The following PDZRN4 variants were observed in gnomAD, a reference collection of about 807,000 sequenced individuals.
The protein encoded by PDZRN4 is PDZ domain-containing RING finger protein 4.
In PDZRN4, 70 loss-of-function variants were observed where a neutral mutation model predicts 99.0. That is an observed-to-expected ratio of 0.71 (90% CI 0.58 to 0.86). The LOEUF is 0.86. Ranked by LOEUF, PDZRN4 falls within the 40% of genes least tolerant of loss-of-function variation. The pLI, the probability that PDZRN4 is intolerant of heterozygous loss-of-function variation, is 0.00. For synonymous variants in PDZRN4, 551 were observed against 501.6 expected, an observed-to-expected ratio of 1.10 and a Z score of -1.32; for missense variants, 1,474 against 1,331.2, an observed-to-expected ratio of 1.11 and a Z score of -1.67.
chr12:41,250,696 G>T (rs542996735), intron 3 of PDZRN4, among the ~76,000 whole-genome samples: 6 of 152,204 alleles, frequency 3.9e-5, no homozygotes, highest in Non-Finnish European at 8.8e-5. Flanking sequence ...ATGATTTCCT[G>T]TTGAAACTTT....
Position 41,425,494 on chromosome 12 carries a change from G to A in PDZRN4, c.844-80962G>A, listed in dbSNP as rs190075233. Among the ~76,000 whole-genome samples, 3 of 152,136 alleles carry A rather than the reference G, an allele frequency of 2.0e-5. No homozygotes were observed. In the East Asian group the frequency reaches 5.8e-4, roughly 29 times the overall value. The stretch of plus-strand genomic sequence containing the variant: ...GTAATGTTCTGTTACATGCCAGATG[G>A]TGTTCCTGTACAGAATTTCCACACC... On this transcript the variant is annotated intron_variant, in intron 3 of 9. Transcript: ENST00000402685.
At chr12:41,536,497 G>A (rs1162022336) in intron 5 of PDZRN4, among the ~76,000 whole-genome samples, 1 of 152,052 alleles carries the variant, frequency 6.6e-6, no homozygotes, top group Non-Finnish European at 1.5e-5. Flanking sequence ...TACTATAATG[G>A]TAGATACATG....
At chr12:41,477,238 T>G (rs1001513052) in intron 3 of PDZRN4, among the ~76,000 whole-genome samples, 1 of 152,212 alleles carries the variant, frequency 6.6e-6, no homozygotes, top group Non-Finnish European at 1.5e-5. Context: ...ATAAGGACAC[T>G]TCAGACAAAA....
In PDZRN4 at chr12:41,536,465, G is replaced by T. The variant is rs79274330; in HGVS notation, c.1204-16191G>T. Among the ~76,000 whole-genome samples, 782 of 152,236 alleles carry T rather than the reference G, an allele frequency of 5.1e-3. 3 individuals carry two copies. The highest frequency in any genetic ancestry group is 7.6e-3 in the Non-Finnish European group (514 of 68,000). On this transcript the variant is annotated intron_variant, in intron 5 of 9. Transcript: ENST00000402685. ...AAGTGTAGCACAGAGGGTTTTCAGG[G>T]CAGTGAAACTGTTCCATATGATACT...
chr12:41,457,007 T>C (rs1952821653), intron 3 of PDZRN4, among the ~76,000 whole-genome samples: 1 of 152,162 alleles, frequency 6.6e-6, no homozygotes, highest in African/African-American at 2.4e-5. Flanking sequence ...GAAGACAGGA[T>C]TGTTTCCCTT....
intron 3 of PDZRN4, among the ~76,000 whole-genome samples, chr12:41,438,744 G>A (rs1297161651): frequency 6.6e-6 from 1 of 152,138 alleles, no homozygotes; most frequent in Non-Finnish European, 1.5e-5. Context: ...AAGAAAACTA[G>A]ATCCTGAGCC....
intron 5 of PDZRN4, among the ~76,000 whole-genome samples, chr12:41,514,764 T>C (rs1343451009): frequency 2.6e-5 from 4 of 152,102 alleles, no homozygotes; most frequent in Non-Finnish European, 5.9e-5. Flanking sequence ...TGTCCAGTTA[T>C]AACAAATGCC....
At chr12:41,342,799 G>A (rs1286666858) in intron 3 of PDZRN4, among the ~76,000 whole-genome samples, 1 of 151,762 alleles carries the variant, frequency 6.6e-6, no homozygotes, top group Non-Finnish European at 1.5e-5. Context: ...AAGAGATGGA[G>A]TTTTCTCAAA....
At chr12:41,318,756 G>T (rs547455322) in intron 3 of PDZRN4, among the ~76,000 whole-genome samples, 1 of 152,130 alleles carries the variant, frequency 6.6e-6, no homozygotes, top group Non-Finnish European at 1.5e-5. Flanking sequence ...AAATCTAAGT[G>T]TAATGTGAGT....
At chr12:41,474,537 T>G (rs1276421055) in intron 3 of PDZRN4, among the ~76,000 whole-genome samples, 4 of 152,204 alleles carry the variant, frequency 2.6e-5, no homozygotes, top group African/African-American at 9.6e-5. Context: ...GAGTTGAAAC[T>G]CAAACACAGG....
chr12:41,537,770 A>C (rs1025396508), intron 5 of PDZRN4, among the ~76,000 whole-genome samples: 1 of 152,186 alleles, frequency 6.6e-6, no homozygotes, highest in Non-Finnish European at 1.5e-5. Flanking sequence ...AGGGAGTAGA[A>C]AGTAAGGGGG....
At chr12:41,430,221 G>A (rs1952576412) in intron 3 of PDZRN4, among the ~76,000 whole-genome samples, 1 of 152,188 alleles carries the variant, frequency 6.6e-6, no homozygotes, top group African/African-American at 2.4e-5. Flanking sequence ...TGTAATCCCA[G>A]CACTTTGGGA....
At chr12:41,211,857 T>C (rs1950890747) in intron 3 of PDZRN4, among the ~76,000 whole-genome samples, 1 of 152,030 alleles carries the variant, frequency 6.6e-6, no homozygotes, top group Non-Finnish European at 1.5e-5. Context: ...GGCATTTAAT[T>C]GTGCATTCAC....
intron 3 of PDZRN4, among the ~76,000 whole-genome samples, chr12:41,311,004 T>C (rs1951603008): frequency 6.6e-6 from 1 of 152,108 alleles, no homozygotes; most frequent in African/African-American, 2.4e-5. Context: ...AATAATGCAT[T>C]TACTTCAGCA....
chr12:41,193,095 T>C (rs1950746050), intron 2 of PDZRN4, among the ~76,000 whole-genome samples: 1 of 152,208 alleles, frequency 6.6e-6, no homozygotes. Context: ...TTGTTTTTAG[T>C]ATTTTGAAAA....
At chr12:41,531,742 G>A (rs1398062701) in intron 5 of PDZRN4, among the ~76,000 whole-genome samples, 1 of 151,976 alleles carries the variant, frequency 6.6e-6, no homozygotes, top group Non-Finnish European at 1.5e-5. Flanking sequence ...ATGTTTATTG[G>A]CCTGTTCTGT....
chr12:41,568,028 G>A (rs1939408470), intron 9 of PDZRN4, 129 bp downstream of exon 9: 1 of 599,778 alleles, frequency 1.7e-6, no homozygotes, highest in South Asian at 2.2e-5. Flanking sequence ...TAATTTTTTA[G>A]AGCAAATGAT....
At chr12:41,495,332 A>G (rs1640477220) in intron 3 of PDZRN4, among the ~76,000 whole-genome samples, 1 of 152,086 alleles carries the variant, frequency 6.6e-6, no homozygotes, top group Non-Finnish European at 1.5e-5. Flanking sequence ...TCTACTTGGA[A>G]TGCCTTTATA....
At chr12:41,202,206 G>A (rs1950821276) in intron 3 of PDZRN4, among the ~76,000 whole-genome samples, 1 of 152,110 alleles carries the variant, frequency 6.6e-6, no homozygotes, top group South Asian at 2.1e-4. Context: ...CCTCTTTGAA[G>A]TCCTCTTGGG....
Sources: gnomAD v4.1 joint callset for allele counts (sites outside exome capture counted in the v4.1 genomes callset) on GRCh38, gnomAD v4.1.1 for gene constraint, MANE v1.5 for transcripts, NCBI Gene and HGNC (gene_info 2026-07-23, HGNC 2026-07-21) for gene names.